MACF1: variants seen among roughly 807,000 people sequenced by gnomAD.
MACF1 encodes the protein microtubule actin crosslinking factor 1, also known as microtubule-actin cross-linking factor 1.
Under a neutral mutation model 854.8 loss-of-function variants are expected in MACF1, and 193 were observed. The ratio of observed to expected loss-of-function variants is 0.23; its 90% CI spans 0.20 to 0.25. The LOEUF is 0.25. Ranked by LOEUF, MACF1 falls within the 10% of genes least tolerant of loss-of-function variation. The pLI, the probability that MACF1 is intolerant of heterozygous loss-of-function variation, is 1.00. For missense variants in MACF1, 7,722 were observed against 8,929.1 expected (o/e 0.86, Z 5.45); for synonymous variants, 3,185 against 3,226.7 (o/e 0.99, Z 0.44).
intron 2 of MACF1, among the ~76,000 whole-genome samples, chr1:39,131,665 A>G (rs1019964727): frequency 6.6e-6 from 1 of 152,208 alleles, no homozygotes; most frequent in Non-Finnish European, 1.5e-5. Context: ...GGGAAGCTTT[A>G]AATACATTTA....
chr1:39,143,988 C>T (rs573242635), intron 2 of MACF1, among the ~76,000 whole-genome samples: 10 of 151,504 alleles, frequency 6.6e-5, no homozygotes, highest in Admixed American at 6.6e-4. Context: ...TGGGCTTTCA[C>T]TGTGTTAGCC....
At chr1:39,194,701 C>A (rs1239460271) in intron 2 of MACF1, among the ~76,000 whole-genome samples, 1 of 145,922 alleles carries the variant, frequency 6.9e-6, no homozygotes, top group Non-Finnish European at 1.5e-5. Context: ...CCCCTCCCCT[C>A]CCTTCCCTTC....
Position 39,422,436 on chromosome 1 carries a change from C to T in MACF1, c.15879C>T (p.Gly5293=). The part of the protein sequence containing the change: ...QMKLQQVNGL[G]QGLIQSAGKD... ...AATTGCAGCAGGTGAATGGACTTGG[C>T]CAGGGATTAATTCAGAGTGCAGGAA... Residue 5293 remains glycine, a synonymous_variant, in exon 59 of 101, where the codon GGC becomes GGT. Transcript: ENST00000564288. The T allele has an allele frequency of 6.2e-7, 1 of 1,613,804 alleles. No individual in the cohort carries two copies. The highest frequency in any genetic ancestry group is 8.5e-7 in the Non-Finnish European group (1 of 1,179,896).
At chr1:39,348,298 A>G (rs1274804695) in intron 41 of MACF1, among the ~76,000 whole-genome samples, 1 of 152,238 alleles carries the variant, frequency 6.6e-6, no homozygotes, top group Non-Finnish European at 1.5e-5. Context: ...AGTAAAATTC[A>G]TCTGAGCCAC....
intron 15 of MACF1, among the ~76,000 whole-genome samples, chr1:39,287,941 A>C (rs1183757418): frequency 2.0e-5 from 3 of 152,162 alleles, no homozygotes; most frequent in African/African-American, 7.2e-5. Context: ...ACCCTTTGGA[A>C]TCTTTTCCCT....
At chr1:39,429,739 A>G (rs1053847879) in intron 64 of MACF1, 88 bp from the exon 65 acceptor site, 15 of 1,295,380 alleles carry the variant, frequency 1.2e-5, no homozygotes, top group South Asian at 8.0e-5. Flanking sequence ...CGTCTATGAA[A>G]TTAAAGCTCT....
chr1:39,165,333 GC>G (rs1454903076), intron 2 of MACF1, among the ~76,000 whole-genome samples: 6 of 152,056 alleles, frequency 3.9e-5, no homozygotes, highest in Non-Finnish European at 8.8e-5. Context: ...ACAGCACTAG[GC>G]ACCTAGTAGA....
intron 1 of MACF1, among the ~76,000 whole-genome samples, chr1:39,220,952 C>T (rs760857171): frequency 6.6e-5 from 10 of 152,000 alleles, no homozygotes; most frequent in Non-Finnish European, 8.8e-5. Context: ...GCTGACATGT[C>T]CGGAAAGGTG....
At chr1:39,293,744 C>G in intron 18 of MACF1, 125 bp downstream of exon 18, 1 of 763,402 alleles carries the variant, frequency 1.3e-6, no homozygotes, top group Non-Finnish European at 2.1e-6. Context: ...AGGGGCCCTA[C>G]TCAATGCATC....
At chr1:39,163,642 C>G (rs959712230) in intron 2 of MACF1, among the ~76,000 whole-genome samples, 4 of 152,142 alleles carry the variant, frequency 2.6e-5, no homozygotes, top group African/African-American at 7.2e-5. Context: ...ATACATTTGT[C>G]AGATCATGTT....
chr1:39,247,134 G>A (rs1475901699), intron 2 of MACF1, among the ~76,000 whole-genome samples: 2 of 138,102 alleles, frequency 1.4e-5, no homozygotes, highest in African/African-American at 2.7e-5. Flanking sequence ...GTGCAGTGGC[G>A]CGATCTCGAC....
upstream of MACF1, among the ~76,000 whole-genome samples, chr1:39,204,039 A>T (rs1255817920): frequency 6.6e-6 from 1 of 152,102 alleles, no homozygotes; most frequent in Non-Finnish European, 1.5e-5. Flanking sequence ...CTTTGGAGGC[A>T]GAGGCGGGAG....
chr1:39,479,358 G>T (rs986197235), intron 97 of MACF1, among the ~76,000 whole-genome samples: 5 of 152,016 alleles, frequency 3.3e-5, no homozygotes, highest in Non-Finnish European at 7.4e-5. Flanking sequence ...AGACAATATC[G>T]ATTTCAGTAA....
rs575149400 is a variant in MACF1, at chr1:39,481,863, G to A, written c.22281+833G>A. On this transcript the variant is annotated intron_variant, in intron 99 of 100. Coordinates refer to ENST00000564288, the MANE Select transcript of MACF1 (RefSeq NM_001394062.1). ...ACAAGGGATGCACAAGAAGTCAATG[G>A]CTATGAATGAGCTGCTGTTTTGAGG... is the stretch of plus-strand genomic sequence containing the variant. Among the ~76,000 whole-genome samples, 132 of 152,188 alleles carry A rather than the reference G, an allele frequency of 8.7e-4. 1 individual carries two copies. Among genetic ancestry groups the A allele is most frequent in the Non-Finnish European group, 1.6e-3 (111 of 67,990 alleles).
intron 2 of MACF1, among the ~76,000 whole-genome samples, chr1:39,141,095 A>G (rs1413456586): frequency 1.3e-5 from 2 of 152,170 alleles, no homozygotes; most frequent in Non-Finnish European, 2.9e-5. Context: ...GTTAGGTTTC[A>G]CAATTTGCTC....
chr1:39,125,986 C>G (rs1189408926), intron 2 of MACF1, among the ~76,000 whole-genome samples: 2 of 152,174 alleles, frequency 1.3e-5, no homozygotes, highest in Non-Finnish European at 2.9e-5. Context: ...GCGCAAGACT[C>G]TGTCTCAAAC....
Position 39,331,885 on chromosome 1 carries a change from T to C in MACF1, c.5297T>C (p.Leu1766Pro). The C allele has an allele frequency of 6.2e-7, 1 of 1,614,144 alleles. No homozygotes were observed. The highest frequency in any genetic ancestry group is 1.3e-5 in the African/African-American group (1 of 75,028). The change falls in exon 37 of 101, where the codon CTG (leucine) becomes CCG (proline). Residue 1766 changes from leucine to proline, a missense_variant. By Grantham distance (98) the Leu-to-Pro change is moderately conservative. Around this residue, in one of 15 missense-constraint regions of MACF1, gnomAD observed 1,531 missense variants for 1,601.6 expected, o/e 0.96. Transcript: ENST00000564288. Reference protein sequence around the residue: ...LIDRQVTVRLLEAQLFAGGIV... With the variant: ...LIDRQVTVRLPEAQLFAGGIV... ...GATAGGCAGGTCACTGTCCGGTTGC[T>C]GGAAGCTCAGCTTTTTGCTGGTGGC...
At chr1:39,197,618 C>T (rs768922069) in intron 2 of MACF1, among the ~76,000 whole-genome samples, 6 of 152,178 alleles carry the variant, frequency 3.9e-5, no homozygotes, top group Admixed American at 2.0e-4. Context: ...TGTGGTGGCT[C>T]ATGCCTGTAA....
chr1:39,387,938 A>T lies in MACF1; in HGVS notation c.15096A>T (p.Gln5032His), dbSNP rs1350580826. 6.2e-7 allele frequency: 1 copy of T among 1,614,030 alleles called. No homozygotes were observed. Residue 5032 changes from glutamine (Q) to histidine (H), a missense_variant, in exon 58 of 101, where the codon CAA (glutamine) becomes CAT (histidine). Gln to His is a conservative substitution (Grantham distance 24, BLOSUM62 0). This residue lies in a region of MACF1 where 2,807 missense variants were observed against 3,235.8 expected (regional missense o/e 0.87). Transcript: ENST00000564288. ...IEKKVEGAKH[Q>H]LEIFDALGSQ... Reference sequence around the variant, plus strand: ...AGAAGGTTGAAGGAGCCAAACACCAACTTGAGATCTTTGATGCTCTGGGTT... The same window carrying T: ...AGAAGGTTGAAGGAGCCAAACACCATCTTGAGATCTTTGATGCTCTGGGTT...
Sources: allele counts gnomAD v4.1 joint callset (sites outside exome capture counted in the v4.1 genomes callset), GRCh38; gene constraint gnomAD v4.1.1; regional missense constraint gnomAD v4.1.1; transcripts MANE v1.5; gene names NCBI Gene and HGNC (gene_info 2026-07-23, HGNC 2026-07-21).